The following MMP16 variants were observed in gnomAD, a reference collection of about 807,000 sequenced individuals.
MMP16 encodes matrix metallopeptidase 16.
A neutral mutation model predicts 67.8 loss-of-function variants in MMP16; 12 were observed. The ratio of observed to expected loss-of-function variants is 0.18; its 90% CI spans 0.11 to 0.29. The LOEUF is 0.29. Among genes scored for constraint, MMP16 ranks in the 10% least tolerant of loss-of-function variants. MMP16 has a pLI of 1.00. For synonymous variants in MMP16, 249 were observed against 255.9 expected (o/e 0.97, Z 0.26); for missense variants, 475 against 765.7 (o/e 0.62, Z 4.48).
chr8:88,243,948 A>C (rs1399468468), intron 1 of MMP16, among the ~76,000 whole-genome samples: 1 of 152,168 alleles, frequency 6.6e-6, no homozygotes, highest in Non-Finnish European at 1.5e-5. Flanking sequence ...GTATAAAAGA[A>C]AAAGACAGCT....
chr8:88,055,199 G>GT (rs771899988), intron 8 of MMP16, among the ~76,000 whole-genome samples: 2 of 151,848 alleles, frequency 1.3e-5, no homozygotes, highest in Non-Finnish European at 2.9e-5. Flanking sequence ...TACTGTAAGG[G>GT]TTTTTTTATT....
chr8:88,172,490 A>C (rs1476925885), intron 3 of MMP16, among the ~76,000 whole-genome samples: 1 of 152,198 alleles, frequency 6.6e-6, no homozygotes, highest in Non-Finnish European at 1.5e-5. Flanking sequence ...TTTATTCATA[A>C]CTGAACTAAC....
intron 3 of MMP16, among the ~76,000 whole-genome samples, chr8:88,176,446 T>G (rs1235028897): frequency 6.6e-6 from 1 of 152,196 alleles, no homozygotes; most frequent in Non-Finnish European, 1.5e-5. Flanking sequence ...TAGGGTACAC[T>G]GCCAACAGTT....
At chr8:88,204,663 A>T (rs921100564) in intron 1 of MMP16, among the ~76,000 whole-genome samples, 5 of 152,190 alleles carry the variant, frequency 3.3e-5, no homozygotes, top group African/African-American at 1.2e-4. Context: ...GAATATAATT[A>T]TAAGTAAAAC....
At chr8:88,289,817 T>A (rs1010854110) in intron 1 of MMP16, among the ~76,000 whole-genome samples, 1 of 151,126 alleles carries the variant, frequency 6.6e-6, no homozygotes, top group South Asian at 2.1e-4. Context: ...GAAAAAAAAA[T>A]TCACAAGTGT....
At chr8:88,231,653 A>T (rs1459570406) in intron 1 of MMP16, among the ~76,000 whole-genome samples, 1 of 152,202 alleles carries the variant, frequency 6.6e-6, no homozygotes, top group Non-Finnish European at 1.5e-5. Flanking sequence ...TGTAAATATT[A>T]ACAGTTTACA....
chr8:88,277,456 A>G (rs1244925649), intron 1 of MMP16, among the ~76,000 whole-genome samples: 2 of 152,208 alleles, frequency 1.3e-5, no homozygotes, highest in Non-Finnish European at 2.9e-5. Flanking sequence ...TCTAATTAAG[A>G]AAAACACAGA....
chr8:88,198,911 T>C (rs1809298401), intron 1 of MMP16, among the ~76,000 whole-genome samples: 1 of 152,056 alleles, frequency 6.6e-6, no homozygotes, highest in Non-Finnish European at 1.5e-5. Context: ...TTAACAGTGG[T>C]GCAGTCTGAA....
Position 88,036,759 on chromosome 8 carries a change from T to C in MMP16, c.*4702A>G, listed in dbSNP as rs1808059644. On this transcript the variant is annotated 3_prime_UTR_variant, in exon 10 of 10. Coordinates refer to ENST00000286614, the MANE Select transcript of MMP16 (RefSeq NM_005941.5). Reference sequence around the variant, plus strand: ...ATCTGAAATGCACATTTTTGGTTTATATAGCATATTCTATTTGACATCTGT... The same window carrying C: ...ATCTGAAATGCACATTTTTGGTTTACATAGCATATTCTATTTGACATCTGT... The C allele has an allele frequency of 6.6e-6, 1 of 151,796 alleles. No homozygotes were observed. Among genetic ancestry groups the C allele is most frequent in the Admixed American group, 6.6e-5 (1 of 15,192 alleles). 9.4% of individuals were successfully genotyped at this position (151,796 alleles called of 1,614,324 possible). A position where few individuals can be genotyped will look rare whatever the true frequency, so the allele number is the denominator to read the frequency against.
intron 7 of MMP16, among the ~76,000 whole-genome samples, chr8:88,060,246 T>C (rs1236723740): frequency 4.6e-5 from 7 of 152,156 alleles, no homozygotes; most frequent in Non-Finnish European, 7.4e-5. Flanking sequence ...ATCCTAGCTT[T>C]AGCCAATGGT....
chr8:88,230,594 C>T (rs954296959), intron 1 of MMP16, among the ~76,000 whole-genome samples: 1 of 151,238 alleles, frequency 6.6e-6, no homozygotes, highest in Non-Finnish European at 1.5e-5. Context: ...AATAAGTCTC[C>T]CCATACTATA....
At chr8:88,144,593 T>C (rs1296818483) in intron 4 of MMP16, among the ~76,000 whole-genome samples, 2 of 151,824 alleles carry the variant, frequency 1.3e-5, no homozygotes, top group African/African-American at 4.8e-5. Flanking sequence ...GAGAGACTAA[T>C]ATAATATGGG....
At chr8:88,260,470 C>T (rs962682586) in intron 1 of MMP16, among the ~76,000 whole-genome samples, 2 of 151,928 alleles carry the variant, frequency 1.3e-5, no homozygotes, top group Non-Finnish European at 2.9e-5. Flanking sequence ...TCTGAATAGG[C>T]TGCCAAAATA....
intron 7 of MMP16, among the ~76,000 whole-genome samples, chr8:88,070,310 T>C (rs1440271530): frequency 6.6e-6 from 1 of 152,222 alleles, no homozygotes; most frequent in African/African-American, 2.4e-5. Flanking sequence ...TTTGAAGATT[T>C]GTTAAGTGGA....
At chr8:88,284,742 A>T (rs1810795857) in intron 1 of MMP16, among the ~76,000 whole-genome samples, 1 of 151,958 alleles carries the variant, frequency 6.6e-6, no homozygotes, top group South Asian at 2.1e-4. Context: ...GCTTCCTAAA[A>T]CAATTCCACT....
intron 1 of MMP16, among the ~76,000 whole-genome samples, chr8:88,223,108 G>A (rs576508062): frequency 6.6e-6 from 1 of 152,250 alleles, no homozygotes; most frequent in Non-Finnish European, 1.5e-5. Flanking sequence ...ATCATCACTG[G>A]TCATCAGAGA....
intron 1 of MMP16, among the ~76,000 whole-genome samples, chr8:88,281,785 T>C (rs985429081): frequency 5.3e-5 from 8 of 152,142 alleles, no homozygotes; most frequent in African/African-American, 1.9e-4. Flanking sequence ...AGTGTTGCCA[T>C]GCTACATGTT....
intron 1 of MMP16, among the ~76,000 whole-genome samples, chr8:88,200,034 G>A (rs1440927152): frequency 6.6e-6 from 1 of 151,926 alleles, no homozygotes; most frequent in Non-Finnish European, 1.5e-5. Flanking sequence ...CATAATTCTT[G>A]CTCAGTAAGT....
intron 1 of MMP16, among the ~76,000 whole-genome samples, chr8:88,262,726 G>A (rs1489820658): frequency 6.6e-6 from 1 of 151,780 alleles, no homozygotes; most frequent in Non-Finnish European, 1.5e-5. Context: ...ATTCAGGCTG[G>A]GTGCGGTGGC....
Sources: allele counts gnomAD v4.1 joint callset (sites outside exome capture counted in the v4.1 genomes callset), GRCh38; gene constraint gnomAD v4.1.1; transcripts MANE v1.5; gene names NCBI Gene and HGNC (gene_info 2026-07-23, HGNC 2026-07-21).